Variants in HDAC6 observed in about 807,000 individuals in gnomAD.
The protein encoded by HDAC6 is histone deacetylase 6, also known as protein deacetylase HDAC6.
In HDAC6, 5 loss-of-function variants were observed where a neutral mutation model predicts 88.9. That is an observed-to-expected ratio of 0.06 (90% CI 0.03 to 0.12). HDAC6 has a LOEUF of 0.12. Ranked by LOEUF, HDAC6 falls within the 10% of genes least tolerant of loss-of-function variation. The pLI is 1.00. For missense variants in HDAC6, 706 were observed against 1,014.4 expected (o/e 0.70, Z 4.13); for synonymous variants, 378 against 398.0 (o/e 0.95, Z 0.60).
intron 10 of HDAC6, 22 bp from the exon 11 acceptor site, chrX:48,814,418 C>G: frequency 8.3e-7 from 1 of 1,209,415 alleles, no homozygotes; most frequent in Non-Finnish European, 1.1e-6. Flanking sequence ...AACTCTCTTA[C>G]CTCTTTTTCT....
Position 48,817,355 on chromosome X carries a change from C to A in HDAC6, c.1821C>A (p.Pro607=). ...TGAATGGTGCTGCTGTGGTGCGTCCCCCAGGACACCACGCAGAGCAGGATG... is the reference window on the plus strand; with the variant it reads ...TGAATGGTGCTGCTGTGGTGCGTCCACCAGGACACCACGCAGAGCAGGATG... The part of the protein sequence containing the change: ...EVLNGAAVVR[P]PGHHAEQDAA... Residue 607 remains proline, a synonymous_variant, in exon 20 of 29, where the codon CCC becomes CCA. Coordinates refer to ENST00000334136, the MANE Select transcript of HDAC6 (RefSeq NM_006044.4). 8.3e-7 allele frequency: 1 copy of A among 1,210,765 alleles called. No homozygotes were observed.
intron 4 of HDAC6, among the ~76,000 whole-genome samples, chrX:48,804,079 C>T (rs999595040): frequency 9.0e-6 from 1 of 111,597 alleles, no homozygotes; most frequent in African/African-American, 3.3e-5. Flanking sequence ...AGGAGAATCG[C>T]TTGATCTGGG....
intron 19 of HDAC6, chrX:48,817,045 C>T: frequency 7.7e-6 from 2 of 258,619 alleles, no homozygotes; most frequent in Non-Finnish European, 1.4e-5. Context: ...GTCAGGAGAT[C>T]GAGACCATCC....
In HDAC6 at chrX:48,802,816, G is replaced by T. The variant is rs369996405; in HGVS notation, c.93+31G>T. The T allele has an allele frequency of 1.7e-5, 20 of 1,205,484 alleles. No homozygotes were observed. The African/African-American group carries it at 3.3e-4, about 20-fold the overall frequency. On this transcript the variant is annotated intron_variant, in intron 2 of 28. Coordinates refer to ENST00000334136, the MANE Select transcript of HDAC6 (RefSeq NM_006044.4). The stretch of plus-strand genomic sequence containing the variant: ...GCCCTAGACCCGCCCTGATGAGGGG[G>T]AGAGGGAGCAAGTTGGTCATGCCCT...
Position 48,802,677 on chromosome X carries a change from C to CCAAG in HDAC6, c.-14_-11dup. ...CCCACCCCCAGAACCGCGGCAGGGG[C>CCAAG]CAAGCCTCCTCAACTATGACCTCAA... is the stretch of plus-strand genomic sequence containing the variant. On this transcript the variant is annotated 5_prime_UTR_variant, in exon 2 of 29. Coordinates refer to ENST00000334136, the MANE Select transcript of HDAC6 (RefSeq NM_006044.4). 2.5e-6 allele frequency: 3 copies of CCAAG among 1,198,292 alleles called. No homozygotes were observed. The highest frequency in any genetic ancestry group is 3.4e-6 in the Non-Finnish European group (3 of 888,933).
At chrX:48,805,293 C>A in intron 4 of HDAC6, 145 bp from the exon 5 acceptor site, 1 of 469,453 alleles carries the variant, frequency 2.1e-6, no homozygotes. Context: ...GAGAGGGTCA[C>A]ACACCAGAGC....
At position 48,803,301 on chromosome X, in the gene HDAC6, C is replaced by A. The variant is rs1406037213; in HGVS notation, c.311+85C>A. The A allele has an allele frequency of 2.6e-5, 19 of 742,703 alleles. No individual in the cohort carries two copies. In the Admixed American group the frequency reaches 5.1e-4, roughly 20 times the overall value. 61.2% of individuals were successfully genotyped at this position (742,703 alleles called of 1,213,427 possible). A position where few individuals can be genotyped will look rare whatever the true frequency, so the allele number is the denominator to read the frequency against. ...TTAGCAAGAATAAATCTTTTCTTACCCCAGCCTGGATACTGGAAGCAGATG... is the reference window on the plus strand; with the variant it reads ...TTAGCAAGAATAAATCTTTTCTTACACCAGCCTGGATACTGGAAGCAGATG... On this transcript the variant is annotated intron_variant, in intron 4 of 28. Coordinates refer to ENST00000334136, the MANE Select transcript of HDAC6 (RefSeq NM_006044.4).
chrX:48,822,962 G>A lies in HDAC6; in HGVS notation c.2563G>A (p.Ala855Thr). Residue 855 changes from alanine (A) to threonine (T), a missense_variant, in exon 25 of 29, where the codon GCA (alanine) becomes ACA (threonine). Ala to Thr is a moderately conservative substitution (Grantham distance 58, BLOSUM62 0). This residue lies in a region of HDAC6 where 89 missense variants were observed against 90.9 expected (regional missense o/e 0.98). Coordinates refer to ENST00000334136, the MANE Select transcript of HDAC6 (RefSeq NM_006044.4). The stretch of plus-strand genomic sequence containing the variant: ...CAGTTCTAAGTTGGTCACCAAGAAG[G>A]CACCCCAACCAGCCAAACCTAGGTT... ...PSSSKLVTKK[A>T]PQPAKPRLAE... 1 of 1,205,662 alleles carries A rather than the reference G, an allele frequency of 8.3e-7. No homozygotes were observed.
chrX:48,813,722 C>T (rs782306373), intron 10 of HDAC6: 2 of 111,817 alleles, frequency 1.8e-5, no homozygotes, highest in African/African-American at 6.5e-5. Flanking sequence ...CTCATTCTCT[C>T]GCCTATAAAA....
At chrX:48,813,424 C>T (rs1325168576) in intron 10 of HDAC6, 1 of 112,163 alleles carries the variant, frequency 8.9e-6, no homozygotes, top group African/African-American at 3.2e-5. Flanking sequence ...TTAAATTTCA[C>T]AACTACATTA....
chrX:48,823,991 G>T lies in HDAC6; in HGVS notation c.3373G>T (p.Ala1125Ser). Reference protein sequence around the residue: ...HLVAVCPIPAAGLDVTQPCGD... With the variant: ...HLVAVCPIPASGLDVTQPCGD... ...GGTGGCAGTATGCCCCATACCTGCAGCAGGCCTAGACGTGACCCAACCTTG... is the reference window on the plus strand; with the variant it reads ...GGTGGCAGTATGCCCCATACCTGCATCAGGCCTAGACGTGACCCAACCTTG... Residue 1125 changes from alanine to serine, a missense_variant, in exon 27 of 29, where the codon GCA (alanine) becomes TCA (serine). By Grantham distance (99) the Ala-to-Ser change is moderately conservative (BLOSUM62 1). This residue lies in a region of HDAC6 where 112 missense variants were observed against 95.1 expected (regional missense o/e 1.18). Transcript: ENST00000334136. The T allele has an allele frequency of 8.3e-7, 1 of 1,211,659 alleles. No homozygotes were observed. The highest frequency in any genetic ancestry group is 1.1e-6 in the Non-Finnish European group (1 of 895,254).
rs185029301 is a variant in HDAC6 at position 48,807,061 on chromosome X, C to T, written c.632+355C>T. On this transcript the variant is annotated intron_variant, in intron 8 of 28. Coordinates refer to ENST00000334136, the MANE Select transcript of HDAC6 (RefSeq NM_006044.4). ...ATTCCATTGGCAGTATTTTCTGCTT[C>T]GTTTTTGGCATGTAAAATCATGGTA... 16 of 132,787 alleles carry T rather than the reference C, an allele frequency of 1.2e-4. No homozygotes were observed. In the East Asian group the frequency reaches 2.9e-3, roughly 24 times the overall value. 10.9% of individuals were successfully genotyped at this position (132,787 alleles called of 1,213,427 possible).
chrX:48,801,731 C>G (rs1421925148), upstream of HDAC6: 4 of 565,862 alleles, frequency 7.1e-6, no homozygotes, highest in African/African-American at 9.7e-5. Context: ...CACCGCCCCG[C>G]CGCTTGTGAG....
At chrX:48,812,566 C>T (rs2062918504) in intron 10 of HDAC6, among the ~76,000 whole-genome samples, 1 of 111,747 alleles carries the variant, frequency 8.9e-6, no homozygotes, top group African/African-American at 3.3e-5. Context: ...GACAGAGCAC[C>T]CTGGGGCCCC....
chrX:48,809,021 T>C (rs1392025076), intron 10 of HDAC6, among the ~76,000 whole-genome samples: 2 of 112,609 alleles, frequency 1.8e-5, no homozygotes, highest in Non-Finnish European at 3.7e-5. Context: ...TCTTAAAGTA[T>C]CTCGTTCTTT....
At chrX:48,809,663 G>A (rs1010170333) in intron 10 of HDAC6, among the ~76,000 whole-genome samples, 3 of 110,405 alleles carry the variant, frequency 2.7e-5, no homozygotes, top group East Asian at 2.8e-4. Context: ...TTAGCCAGGC[G>A]TGGTGGCACA....
chrX:48,818,462 G>C, intron 22 of HDAC6, 50 bp downstream of exon 22: 1 of 1,047,129 alleles, frequency 9.5e-7, no homozygotes. Flanking sequence ...CTGTGCAGGT[G>C]GCAGCCTGGA....
chrX:48,818,459 G>A (rs1557028581), intron 22 of HDAC6, 47 bp downstream of exon 22: 4 of 1,063,265 alleles, frequency 3.8e-6, no homozygotes, highest in African/African-American at 1.9e-5. Context: ...CGCCTGTGCA[G>A]GTGGCAGCCT....
intron 20 of HDAC6, 109 bp from the exon 21 acceptor site, chrX:48,817,932 A>G: frequency 1.4e-6 from 1 of 695,004 alleles, no homozygotes; most frequent in Non-Finnish European, 2.2e-6. Context: ...GATAGGACCC[A>G]GGGTCCTGCC....
Sources: allele counts gnomAD v4.1 joint callset (sites outside exome capture counted in the v4.1 genomes callset), GRCh38; gene constraint gnomAD v4.1.1; regional missense constraint gnomAD v4.1.1; transcripts MANE v1.5; gene names NCBI Gene and HGNC (gene_info 2026-07-23, HGNC 2026-07-21).